Variants in DLG2 observed in about 807,000 individuals in gnomAD.
DLG2 encodes the protein discs large MAGUK scaffold protein 2, also known as disks large homolog 2.
In DLG2, 45 loss-of-function variants were observed where a neutral mutation model predicts 132.5. The ratio of observed to expected loss-of-function variants is 0.34; its 90% CI spans 0.27 to 0.44. DLG2 has a LOEUF of 0.44. DLG2 is among the 20% of genes least tolerant of loss of function. The pLI is 1.00. For synonymous variants in DLG2, 424 were observed against 419.6 expected (o/e 1.01, Z -0.13); for missense variants, 1,045 against 1,196.9 (o/e 0.87, Z 1.87).
intron 15 of DLG2, among the ~76,000 whole-genome samples, chr11:83,890,022 A>C (rs183488832): frequency 1.2e-3 from 187 of 152,114 alleles, no homozygotes; most frequent in South Asian, 3.7e-3. Context: ...CTGACGAGTT[A>C]ATGTGTGCAG....
At chr11:85,430,182 T>C (rs1905660) in intron 3 of DLG2, among the ~76,000 whole-genome samples, 122,746 of 144,572 alleles carry the variant, frequency 0.85, 52,283 homozygotes, top group Non-Finnish European at 0.92. Flanking sequence ...ACACAGGAAG[T>C]GGAACATCAC....
intron 7 of DLG2, among the ~76,000 whole-genome samples, chr11:84,383,068 T>C (rs1026687759): frequency 6.6e-6 from 1 of 152,022 alleles, no homozygotes; most frequent in Non-Finnish European, 1.5e-5. Context: ...TGCCTGGTAT[T>C]CATCCATTTT....
At chr11:85,388,769 C>G (rs2086558407) in intron 3 of DLG2, among the ~76,000 whole-genome samples, 1 of 152,106 alleles carries the variant, frequency 6.6e-6, no homozygotes, top group African/African-American at 2.4e-5. Flanking sequence ...CAGTTCAGCT[C>G]TCAGGAAGCC....
intron 6 of DLG2, among the ~76,000 whole-genome samples, chr11:84,927,902 A>G (rs554243134): frequency 2.0e-5 from 3 of 152,006 alleles, no homozygotes; most frequent in Admixed American, 6.6e-5. Flanking sequence ...CCCCAGACCT[A>G]CTGAATCAAA....
Position 83,557,550 on chromosome 11 carries a change from A to G in DLG2, c.1941-15692T>C, listed in dbSNP as rs147691114. On this transcript the variant is annotated intron_variant, in intron 19 of 27. Transcript: ENST00000376104. ...ATCCTCTAGGCTCTGCATCATGGCA[A>G]TACACTTGGCCAGTGTGCTTCCTGT... is the stretch of plus-strand genomic sequence containing the variant. 4.9e-4 allele frequency among the ~76,000 whole-genome samples: 75 copies of G among 152,342 alleles called. 2 individuals are homozygous for G. Among genetic ancestry groups the G allele is most frequent in the African/African-American group, 1.6e-3 (67 of 41,582 alleles).
At chr11:84,744,916 A>AG (rs1555200261) in intron 6 of DLG2, among the ~76,000 whole-genome samples, 24 of 150,874 alleles carry the variant, frequency 1.6e-4, no homozygotes, top group Non-Finnish European at 5.9e-5. Context: ...AAAAAAAAAA[A>AG]AAAGAAACCT....
intron 18 of DLG2, among the ~76,000 whole-genome samples, chr11:83,731,240 T>A (rs1277990116): frequency 6.6e-6 from 1 of 152,200 alleles, no homozygotes; most frequent in African/African-American, 2.4e-5. Context: ...ATCTAGGTTT[T>A]AAGCCCCTCA....
chr11:85,448,170 A>G (rs1458152986), intron 3 of DLG2, among the ~76,000 whole-genome samples: 4 of 152,232 alleles, frequency 2.6e-5, no homozygotes, highest in Admixed American at 1.3e-4. Flanking sequence ...TTCATGAGGA[A>G]TAATTTTCCT....
intron 15 of DLG2, among the ~76,000 whole-genome samples, chr11:83,890,112 A>G (rs11233786): frequency 0.1 from 15,893 of 152,136 alleles, 1,247 homozygotes; most frequent in African/African-American, 0.22. Flanking sequence ...AAGTACAATA[A>G]TAATAATAAA....
At chr11:85,265,414 T>C (rs1174316648) in intron 4 of DLG2, among the ~76,000 whole-genome samples, 2 of 152,212 alleles carry the variant, frequency 1.3e-5, no homozygotes, top group Non-Finnish European at 2.9e-5. Context: ...CAAAACCACA[T>C]TGAAGTAAAT....
intron 21 of DLG2, among the ~76,000 whole-genome samples, chr11:83,510,663 C>T (rs866744418): frequency 2.6e-5 from 4 of 151,914 alleles, no homozygotes; most frequent in Admixed American, 1.3e-4. Flanking sequence ...TCAGGCTCTT[C>T]GGTATAGCTC....
chr11:85,509,754 G>A (rs1232364528), intron 3 of DLG2, among the ~76,000 whole-genome samples: 1 of 151,968 alleles, frequency 6.6e-6, no homozygotes, highest in Non-Finnish European at 1.5e-5. Flanking sequence ...CTGGGATAGA[G>A]GTTAAAAAGA....
intron 3 of DLG2, among the ~76,000 whole-genome samples, chr11:85,401,659 A>G (rs1359073990): frequency 6.6e-6 from 1 of 152,202 alleles, no homozygotes; most frequent in Non-Finnish European, 1.5e-5. Flanking sequence ...TACAAAATCA[A>G]TGTGCAAAAA....
chr11:84,988,640 A>G (rs2056763015), intron 6 of DLG2, among the ~76,000 whole-genome samples: 1 of 152,222 alleles, frequency 6.6e-6, no homozygotes, highest in Non-Finnish European at 1.5e-5. Context: ...CAAACATCGT[A>G]TGCTCGCTCA....
chr11:83,944,502 G>T lies in DLG2; in HGVS notation c.1341-14019C>A, dbSNP rs191747732. Among the ~76,000 whole-genome samples, 5 of 152,248 alleles carry T rather than the reference G, an allele frequency of 3.3e-5. No homozygotes were observed. In the East Asian group the frequency reaches 9.7e-4, roughly 29 times the overall value. ...CTAGAGAAAACTGTGCTTTATTACC[G>T]ATCCTGACTGGCCCAGTATAGCCGA... is the stretch of plus-strand genomic sequence containing the variant. On this transcript the variant is annotated intron_variant, in intron 14 of 27. Transcript: ENST00000376104.
chr11:83,569,340 G>C (rs752461712), intron 19 of DLG2, among the ~76,000 whole-genome samples: 1 of 152,074 alleles, frequency 6.6e-6, no homozygotes, highest in Non-Finnish European at 1.5e-5. Flanking sequence ...GGAGGCATAT[G>C]ACAGGCAGAA....
intron 11 of DLG2, among the ~76,000 whole-genome samples, chr11:84,036,541 C>G (rs1490743671): frequency 6.6e-6 from 1 of 152,118 alleles, no homozygotes; most frequent in African/African-American, 2.4e-5. Context: ...AAAACTGAAG[C>G]TTTCACAATC....
chr11:84,211,963 C>CA (rs1392661101), intron 8 of DLG2, among the ~76,000 whole-genome samples: 2 of 152,166 alleles, frequency 1.3e-5, no homozygotes, highest in East Asian at 3.8e-4. Context: ...TAACCTCCCT[C>CA]AAGTGTGAGC....
chr11:83,714,646 C>G (rs779177047), intron 18 of DLG2, among the ~76,000 whole-genome samples: 7 of 152,202 alleles, frequency 4.6e-5, no homozygotes, highest in Non-Finnish European at 7.4e-5. Context: ...CTGCTGGATA[C>G]AGTAAGCTCC....
Sources: allele counts gnomAD v4.1 joint callset (sites outside exome capture counted in the v4.1 genomes callset), GRCh38; gene constraint gnomAD v4.1.1; transcripts MANE v1.5; gene names NCBI Gene and HGNC (gene_info 2026-07-23, HGNC 2026-07-21).